DLGAP1: variants seen among roughly 807,000 people sequenced by gnomAD.
The protein encoded by DLGAP1 is disks large-associated protein 1.
DLGAP1 carries 11 observed loss-of-function variants against 90.8 expected under a neutral mutation model. The ratio of observed to expected loss-of-function variants is 0.12; its 90% CI spans 0.08 to 0.20. DLGAP1 has a LOEUF of 0.20. DLGAP1 is among the 10% of genes least tolerant of loss of function. The pLI, the probability that DLGAP1 is intolerant of heterozygous loss-of-function variation, is 1.00. For synonymous variants in DLGAP1, 558 were observed against 540.7 expected (o/e 1.03, Z -0.44); for missense variants, 1,050 against 1,333.8 (o/e 0.79, Z 3.31).
At chr18:3,813,546 C>A (rs983494204) in intron 5 of DLGAP1, among the ~76,000 whole-genome samples, 1 of 151,934 alleles carries the variant, frequency 6.6e-6, no homozygotes, top group Non-Finnish European at 1.5e-5. Flanking sequence ...TATCGAGTGC[C>A]CAAATTTAAA....
At chr18:3,758,864 T>C (rs757036481) in intron 5 of DLGAP1, among the ~76,000 whole-genome samples, 2 of 152,164 alleles carry the variant, frequency 1.3e-5, no homozygotes, top group Admixed American at 1.3e-4. Context: ...AAATTTTACG[T>C]TTTTTGCAAC....
intron 3 of DLGAP1, among the ~76,000 whole-genome samples, chr18:3,972,144 A>AT (rs11383770): frequency 0.092 from 13,989 of 152,092 alleles, 1,369 homozygotes; most frequent in African/African-American, 0.25. Flanking sequence ...TTGTTTTTAA[A>AT]TTTTTTATGA....
intron 5 of DLGAP1, among the ~76,000 whole-genome samples, chr18:3,793,160 T>C (rs3826644): frequency 0.15 from 22,564 of 152,142 alleles, 2,118 homozygotes; most frequent in East Asian, 0.41. Flanking sequence ...AAGGACTGTT[T>C]CAGCACACCA....
chr18:4,231,222 T>G (rs2078292687), intron 1 of DLGAP1, among the ~76,000 whole-genome samples: 2 of 152,250 alleles, frequency 1.3e-5, no homozygotes, highest in Admixed American at 1.3e-4. Context: ...TTCCTTATAT[T>G]TAAGCATATT....
chr18:4,225,040 T>G (rs1394656327), intron 1 of DLGAP1, among the ~76,000 whole-genome samples: 1 of 151,790 alleles, frequency 6.6e-6, no homozygotes, highest in Non-Finnish European at 1.5e-5. Context: ...CTCTGTTTCT[T>G]TGGGAGAAAG....
At chr18:3,757,159 C>T (rs1280322754) in intron 5 of DLGAP1, among the ~76,000 whole-genome samples, 2 of 152,178 alleles carry the variant, frequency 1.3e-5, no homozygotes, top group African/African-American at 4.8e-5. Flanking sequence ...CCCGTAACCC[C>T]AGCACTTTGG....
chr18:3,994,159 T>C (rs567811010), intron 3 of DLGAP1, among the ~76,000 whole-genome samples: 61 of 152,204 alleles, frequency 4.0e-4, no homozygotes, highest in African/African-American at 1.4e-3. Context: ...CACCGGGTGA[T>C]CCAGGCAAGG....
chr18:3,885,055 T>G (rs1338446079), intron 3 of DLGAP1, among the ~76,000 whole-genome samples: 1 of 152,228 alleles, frequency 6.6e-6, no homozygotes, highest in Non-Finnish European at 1.5e-5. Context: ...TGTGACTTCT[T>G]GGTGAGCAAG....
At chr18:3,894,496 A>T (rs2071563490) in intron 3 of DLGAP1, among the ~76,000 whole-genome samples, 1 of 151,960 alleles carries the variant, frequency 6.6e-6, no homozygotes. Context: ...GTTTTTGTTT[A>T]CTTTGTCAAA....
Position 4,297,891 on chromosome 18 carries a change from A to C in DLGAP1, c.-266-146604T>G, listed in dbSNP as rs115119412. Among the ~76,000 whole-genome samples, 822 of 152,250 alleles carry C rather than the reference A, an allele frequency of 5.4e-3. 14 individuals are homozygous for C. Among genetic ancestry groups the C allele is most frequent in the African/African-American group, 0.019 (771 of 41,548 alleles). On this transcript the variant is annotated intron_variant, in intron 1 of 12. Transcript: ENST00000315677. ...CTCTCCCATGATGCAAACCTAATGC[A>C]AACGCAGGTAAACTTTTGACTCTTA...
rs550084751 is a variant in DLGAP1, at chr18:3,546,589, T to C, written c.2058-11974A>G. On this transcript the variant is annotated intron_variant, in intron 9 of 12. Coordinates refer to ENST00000315677, the MANE Select transcript of DLGAP1 (RefSeq NM_004746.4). ...TAAATAGACAATAGCTAAAAAATAT[T>C]TGGAAAATCCTCAAATTTTTGGAGA... 3.5e-4 allele frequency among the ~76,000 whole-genome samples: 53 copies of C among 152,120 alleles called. 1 individual carries two copies. In the South Asian group the frequency reaches 0.01, roughly 29 times the overall value.
chr18:3,845,811 C>T (rs955293724), intron 4 of DLGAP1, among the ~76,000 whole-genome samples: 8 of 152,172 alleles, frequency 5.3e-5, no homozygotes, highest in Admixed American at 2.0e-4. Context: ...TTGGATAGAA[C>T]ATTCAGTCAG....
At chr18:3,834,032 C>T (rs990209239) in intron 4 of DLGAP1, among the ~76,000 whole-genome samples, 3 of 152,038 alleles carry the variant, frequency 2.0e-5, no homozygotes, top group East Asian at 1.9e-4. Context: ...ATGGGCCGGG[C>T]GTGGTGGTTC....
chr18:4,235,394 C>T (rs1278441208), intron 1 of DLGAP1, among the ~76,000 whole-genome samples: 3 of 152,128 alleles, frequency 2.0e-5, no homozygotes, highest in East Asian at 1.9e-4. Flanking sequence ...GAGGAGACAT[C>T]GTGAGAGTAA....
At chr18:3,826,908 A>G (rs922924027) in intron 4 of DLGAP1, among the ~76,000 whole-genome samples, 6 of 152,116 alleles carry the variant, frequency 3.9e-5, no homozygotes, top group African/African-American at 1.4e-4. Context: ...GAGGGAGAAG[A>G]TAGGGCCAAG....
At chr18:4,323,730 C>T (rs183769456) in intron 1 of DLGAP1, among the ~76,000 whole-genome samples, 1 of 152,082 alleles carries the variant, frequency 6.6e-6, no homozygotes, top group East Asian at 1.9e-4. Flanking sequence ...TCACTCAAAC[C>T]ATAAAATTAC....
intron 1 of DLGAP1, among the ~76,000 whole-genome samples, chr18:4,162,274 T>C (rs1190149952): frequency 1.3e-5 from 2 of 152,114 alleles, no homozygotes; most frequent in Non-Finnish European, 2.9e-5. Context: ...AGCCTACTAG[T>C]TACATTGAAA....
intron 7 of DLGAP1, among the ~76,000 whole-genome samples, chr18:3,683,109 G>A (rs548704621): frequency 6.6e-6 from 1 of 152,066 alleles, no homozygotes; most frequent in Non-Finnish European, 1.5e-5. Context: ...ACCCGCCTCA[G>A]CCTCCCAAAA....
At position 4,182,435 on chromosome 18, in the gene DLGAP1, T is replaced by C. The variant is rs75851321; in HGVS notation, c.-266-31148A>G. ...CAAGCTTTGCAAACCAGCCTTTCTC[T>C]GCCAGTTATTTTCCTTCCCCCACCT... On this transcript the variant is annotated intron_variant, in intron 1 of 12. Transcript: ENST00000315677. 3.9e-3 allele frequency among the ~76,000 whole-genome samples: 595 copies of C among 152,292 alleles called. 7 individuals are homozygous for C. The highest frequency in any genetic ancestry group is 0.014 in the African/African-American group (569 of 41,562).
Sources: gnomAD v4.1 joint callset for allele counts (sites outside exome capture counted in the v4.1 genomes callset) on GRCh38, gnomAD v4.1.1 for gene constraint, MANE v1.5 for transcripts, NCBI Gene and HGNC (gene_info 2026-07-23, HGNC 2026-07-21) for gene names.